PLCH2: variants seen among roughly 807,000 people sequenced by gnomAD.
PLCH2 encodes phospholipase C eta 2, also known as 1-phosphatidylinositol 4,5-bisphosphate phosphodiesterase eta-2.
In PLCH2, 98 loss-of-function variants were observed where a neutral mutation model predicts 134.7. The ratio of observed to expected loss-of-function variants is 0.73; its 90% CI spans 0.62 to 0.86. The LOEUF is 0.86. Among genes scored for constraint, PLCH2 ranks in the 40% least tolerant of loss-of-function variants. PLCH2 has a pLI of 0.00. For synonymous variants in PLCH2, 974 were observed against 827.5 expected, an observed-to-expected ratio of 1.18 and a Z score of -3.04; for missense variants, 1,994 against 1,986.6, an observed-to-expected ratio of 1.00 and a Z score of -0.07.
chr1:2,437,225 C>T (rs1327765956), intron 2 of PLCH2, among the ~76,000 whole-genome samples: 1 of 152,196 alleles, frequency 6.6e-6, no homozygotes, highest in Non-Finnish European at 1.5e-5. Context: ...GGCCCGGGGT[C>T]ACTCTGCCAA....
Position 2,503,970 on chromosome 1 carries a change from T to TGGAAACCATCGCTGA in PLCH2, c.3012_3026dup (p.Thr1005_Glu1009dup). The TGGAAACCATCGCTGA allele has an allele frequency of 7.4e-7, 1 of 1,356,446 alleles. No homozygotes were observed. Among genetic ancestry groups the TGGAAACCATCGCTGA allele is most frequent in the Non-Finnish European group, 9.8e-7 (1 of 1,024,924 alleles). 84.0% of individuals were successfully genotyped at this position (1,356,446 alleles called of 1,614,324 possible). A position where few individuals can be genotyped will look rare whatever the true frequency, so the allele number is the denominator to read the frequency against. ...CGGCCACTCCCCCCACTGTGCAGCC[T>TGGAAACCATCGCTGA]GGAAACCATCGCTGAGGAGCCCGCC... On this transcript the variant is annotated inframe_insertion, in exon 22 of 22. Coordinates refer to ENST00000378486, the MANE Select transcript of PLCH2 (RefSeq NM_014638.4).
chr1:2,418,717 C>T, the PLCH2 span, among the ~76,000 whole-genome samples: 9 of 152,204 alleles, frequency 5.9e-5, no homozygotes, highest in African/African-American at 1.7e-4. Flanking sequence ...CGCCTGCCTC[C>T]GCAGGTCCTG....
chr1:2,482,006 C>T (rs1398971833), intron 4 of PLCH2, among the ~76,000 whole-genome samples: 1 of 152,262 alleles, frequency 6.6e-6, no homozygotes, highest in Admixed American at 6.5e-5. Flanking sequence ...TTCATCAAAC[C>T]TAAGATAAGG....
chr1:2,418,144 T>C, the PLCH2 span, among the ~76,000 whole-genome samples: 1 of 152,150 alleles, frequency 6.6e-6, no homozygotes, highest in African/African-American at 2.4e-5. Context: ...TCACGGCAGG[T>C]GCCCCCGAGA....
chr1:2,460,262 C>T (rs1640749260), intron 2 of PLCH2, among the ~76,000 whole-genome samples: 1 of 152,258 alleles, frequency 6.6e-6, no homozygotes, highest in African/African-American at 2.4e-5. Context: ...CGGGTTCCCC[C>T]AAGAGCTAGG....
In PLCH2 at chr1:2,489,467, GC is replaced by G. The variant is rs1322764017; in HGVS notation, c.1407+91del. ...TGCTCCAGACAGGCAGGGGCATCAT[GC>G]CATCCATGGGCATATCTAGGGGGCT... is the stretch of plus-strand genomic sequence containing the variant. On this transcript the variant is annotated intron_variant, in intron 9 of 21. Coordinates refer to ENST00000378486, the MANE Select transcript of PLCH2 (RefSeq NM_014638.4). The G allele has an allele frequency of 3.6e-6, 5 of 1,385,202 alleles. No individual in the cohort carries two copies. The East Asian group carries it at 1.2e-4, about 32-fold the overall frequency. 85.8% of individuals were successfully genotyped at this position (1,385,202 alleles called of 1,614,324 possible).
chr1:2,470,350 C>G (rs1478333683), intron 1 of PLCH2, among the ~76,000 whole-genome samples: 2 of 152,224 alleles, frequency 1.3e-5, no homozygotes, highest in African/African-American at 4.8e-5. Flanking sequence ...GACAGGGCAG[C>G]CAGCCCAGCC....
chr1:2,476,468 GC>G lies in PLCH2; in HGVS notation c.-120del. ...GGGCCCTGAGGAGGAGGAGGAAGAG[GC>G]AGAGGAGAGAAGGCCCCACGGAGGT... On this transcript the variant is annotated 5_prime_UTR_variant, in exon 1 of 22. It removes the in-frame stop codon of an upstream open reading frame in the 5' UTR. Transcript: ENST00000378486. 1 of 942,710 alleles carries G rather than the reference GC, an allele frequency of 1.1e-6. No homozygotes were observed. The highest frequency in any genetic ancestry group is 1.5e-6 in the Non-Finnish European group (1 of 657,330). 58.4% of individuals were successfully genotyped at this position (942,710 alleles called of 1,614,324 possible).
At chr1:2,461,250 G>C (rs1298673105) in intron 2 of PLCH2, among the ~76,000 whole-genome samples, 1 of 152,186 alleles carries the variant, frequency 6.6e-6, no homozygotes, top group South Asian at 2.1e-4. Flanking sequence ...GGGCAGCCAG[G>C]GCAGTGCCTG....
At chr1:2,436,923 C>A (rs2100511618) in intron 2 of PLCH2, among the ~76,000 whole-genome samples, 1 of 152,334 alleles carries the variant, frequency 6.6e-6, no homozygotes. Flanking sequence ...GACCACCCAG[C>A]TGAGGCCTCC....
In PLCH2 at chr1:2,496,723, T is replaced by A; in HGVS notation, c.1933+19T>A. On this transcript the variant is annotated intron_variant, in intron 14 of 21. Transcript: ENST00000378486. ...ATGGAGGGTGAGTGGCTCGGGGACC[T>A]GGGGCCACGGGCGGAGGCCTCCCTG... The A allele has an allele frequency of 6.2e-7, 1 of 1,608,522 alleles. No individual in the cohort carries two copies. Among genetic ancestry groups the A allele is most frequent in the Non-Finnish European group, 8.5e-7 (1 of 1,177,634 alleles).
intron 2 of PLCH2, among the ~76,000 whole-genome samples, chr1:2,460,276 C>G (rs1570338062): frequency 6.6e-6 from 1 of 152,240 alleles, no homozygotes; most frequent in Non-Finnish European, 1.5e-5. Flanking sequence ...AGCTAGGACC[C>G]CTGACCACTG....
chr1:2,467,467 GGC>G (rs1046038508), exon 1 of PLCH2: 4 of 393,200 alleles, frequency 1.0e-5, no homozygotes, highest in African/African-American at 8.3e-5. Flanking sequence ...CTCACGGGCG[GGC>G]GCGGCAGGGC....
At chr1:2,501,398 G>A (rs1187577910) in intron 20 of PLCH2, 1 of 152,350 alleles carries the variant, frequency 6.6e-6, no homozygotes, top group African/African-American at 2.4e-5. Context: ...GATTGGCTGT[G>A]GCCAGGTGCT....
intron 2 of PLCH2, among the ~76,000 whole-genome samples, chr1:2,456,229 C>T (rs1189063532): frequency 1.3e-5 from 2 of 152,164 alleles, no homozygotes; most frequent in African/African-American, 2.4e-5. Context: ...GGCAGTTTCT[C>T]CCGGGCCTTT....
rs1640020382 is a variant in PLCH2, at chr1:2,448,022, G to T, written c.115+17393G>T. ...TGTGCCGCAGTGCCTGTGGGTGGAG[G>T]GCATGGTGCCCCTGGCTGCTGTGGT... On this transcript the variant is annotated intron_variant, in intron 2 of 3. Coordinates refer to the PLCH2 transcript ENST00000609981. This position sits in a 1 kb window ranked among gnomAD's most constrained non-coding sequence, Gnocchi z 4.0. 6.6e-6 allele frequency among the ~76,000 whole-genome samples: 1 copy of T among 152,144 alleles called. No homozygotes were observed. The highest frequency in any genetic ancestry group is 2.4e-5 in the African/African-American group (1 of 41,432).
rs947767796 is a variant in PLCH2, at chr1:2,487,900, G to A, written c.1235+182G>A. On this transcript the variant is annotated intron_variant, in intron 8 of 21. Transcript: ENST00000378486. ...AGAGGGGCAGGGAGAGAGTATGGCC[G>A]CAGGTCTAGGCAGGGGCTTCACAGG... Among the ~76,000 whole-genome samples the A allele has an allele frequency of 1.9e-4, 29 of 152,192 alleles. 1 individual carries two copies. Among genetic ancestry groups the A allele is most frequent in the Admixed American group, 8.5e-4 (13 of 15,280 alleles).
intron 1 of PLCH2, among the ~76,000 whole-genome samples, chr1:2,477,747 G>C (rs372827858): frequency 6.6e-6 from 1 of 152,206 alleles, no homozygotes; most frequent in Non-Finnish European, 1.5e-5. Flanking sequence ...TGTGAAGCTC[G>C]GATCCGGCAC....
chr1:2,419,145 C>A, the PLCH2 span, among the ~76,000 whole-genome samples: 2 of 152,182 alleles, frequency 1.3e-5, no homozygotes, highest in Non-Finnish European at 2.9e-5. Flanking sequence ...GCGTGGGGCC[C>A]GTCCCAGGAG....
Sources: gnomAD v4.1 joint callset for allele counts (sites outside exome capture counted in the v4.1 genomes callset) on GRCh38, gnomAD v4.1.1 for gene constraint, Gnocchi (gnomAD v3.1) non-coding constraint, MANE v1.5 for transcripts, NCBI Gene and HGNC (gene_info 2026-07-23, HGNC 2026-07-21) for gene names.